The following NEDD4 variants were observed in gnomAD, a reference collection of about 807,000 sequenced individuals.
NEDD4 encodes E3 ubiquitin-protein ligase NEDD4.
In NEDD4, 99 loss-of-function variants were observed where a neutral mutation model predicts 144.9. That is an observed-to-expected ratio of 0.68 (90% CI 0.58 to 0.81). NEDD4 has a LOEUF of 0.81. Among genes scored for constraint, NEDD4 ranks in the 30% least tolerant of loss-of-function variants. The pLI, the probability that NEDD4 is intolerant of heterozygous loss-of-function variation, is 0.00. For missense variants in NEDD4, 985 were observed against 1,065.9 expected, an observed-to-expected ratio of 0.92 and a Z score of 1.06; for synonymous variants, 318 against 350.6, an observed-to-expected ratio of 0.91 and a Z score of 1.04.
chr15:55,989,010 C>A (rs1048467764), intron 1 of NEDD4, among the ~76,000 whole-genome samples: 1 of 152,086 alleles, frequency 6.6e-6, no homozygotes, highest in Non-Finnish European at 1.5e-5. Flanking sequence ...CCGAGGCAGG[C>A]GGATCATCTG....
Position 55,834,138 on chromosome 15 carries a change from A to G in NEDD4, c.2330T>C (p.Met777Thr), listed in dbSNP as rs200055696. ...IFDENELELL[M>T]CGLGDVDVND... ...CACATCAACATCTCCCAGTCCACACATAAGAAGCTACATAAGAAATGTCAA... is the reference window on the plus strand; with the variant it reads ...CACATCAACATCTCCCAGTCCACACGTAAGAAGCTACATAAGAAATGTCAA... Residue 777 changes from methionine to threonine, a missense_variant, in exon 26 of 29, where the codon ATG becomes ACG. Physicochemically the swap from Met to Thr is moderately conservative, Grantham distance 81. Coordinates refer to ENST00000435532, the MANE Select transcript of NEDD4 (RefSeq NM_006154.4). 1 of 1,613,174 alleles carries G rather than the reference A, an allele frequency of 6.2e-7. No individual in the cohort carries two copies. The highest frequency in any genetic ancestry group is 1.7e-5 in the Admixed American group (1 of 59,952).
At chr15:55,919,015 C>T (rs1483048559) in intron 5 of NEDD4, among the ~76,000 whole-genome samples, 3 of 152,096 alleles carry the variant, frequency 2.0e-5, no homozygotes, top group African/African-American at 7.2e-5. Context: ...AAGAAAAGCT[C>T]CTCTCATTAT....
chr15:55,993,442 T>A, intron 1 of NEDD4, 69 bp downstream of exon 1: 1 of 1,558,628 alleles, frequency 6.4e-7, no homozygotes, highest in South Asian at 1.1e-5. Flanking sequence ...CCGCCGCCGC[T>A]ACCTCCCCGG....
chr15:55,960,293 C>T (rs372393808), intron 2 of NEDD4, among the ~76,000 whole-genome samples: 3 of 152,316 alleles, frequency 2.0e-5, no homozygotes, highest in East Asian at 1.9e-4. Flanking sequence ...CTGGGAGAGG[C>T]AGACACACCC....
chr15:55,924,404 G>T lies in NEDD4; in HGVS notation c.291+242C>A, dbSNP rs144789161. 8.5e-5 allele frequency: 37 copies of T among 434,536 alleles called. No homozygotes were observed. The East Asian group carries it at 1.3e-3, about 16-fold the overall frequency. 26.9% of individuals were successfully genotyped at this position (434,536 alleles called of 1,614,324 possible). ...TTTCTGTCCTCTCCTGTCACAAGAG[G>T]TCTTGAGTAAGACCTTATAATATGT... is the stretch of plus-strand genomic sequence containing the variant. On this transcript the variant is annotated intron_variant, in intron 5 of 28. Coordinates refer to ENST00000435532, the MANE Select transcript of NEDD4 (RefSeq NM_006154.4).
At chr15:55,897,161 G>T (rs528904479) in intron 5 of NEDD4, among the ~76,000 whole-genome samples, 13 of 152,196 alleles carry the variant, frequency 8.5e-5, no homozygotes, top group Admixed American at 5.2e-4. Flanking sequence ...TTTTTGTAGA[G>T]ATGGGGTTTC....
chr15:55,870,849 T>C (rs957949320), intron 7 of NEDD4, among the ~76,000 whole-genome samples: 2 of 152,182 alleles, frequency 1.3e-5, no homozygotes, highest in Non-Finnish European at 2.9e-5. Flanking sequence ...CTTAATTCTA[T>C]TGTCCTCATC....
chr15:55,832,388 C>A (rs1566894780), intron 27 of NEDD4, among the ~76,000 whole-genome samples: 1 of 152,062 alleles, frequency 6.6e-6, no homozygotes, highest in Non-Finnish European at 1.5e-5. Context: ...ACTTCAAATG[C>A]TATCCTGAAC....
At chr15:55,872,926 A>G (rs1220875110) in intron 6 of NEDD4, among the ~76,000 whole-genome samples, 1 of 152,150 alleles carries the variant, frequency 6.6e-6, no homozygotes, top group Non-Finnish European at 1.5e-5. Flanking sequence ...TTAAAAAAAA[A>G]AAAAAAAGAT....
At chr15:55,931,501 A>G (rs2036780771) in intron 4 of NEDD4, among the ~76,000 whole-genome samples, 1 of 152,216 alleles carries the variant, frequency 6.6e-6, no homozygotes, top group South Asian at 2.1e-4. Context: ...TATTTTAAGG[A>G]AAGGCAAAAG....
At position 55,827,632 on chromosome 15, in the gene NEDD4, A is replaced by C. The variant is rs1222225303; in HGVS notation, c.*2265T>G. 6.6e-6 allele frequency: 1 copy of C among 152,252 alleles called. No individual in the cohort carries two copies. The highest frequency in any genetic ancestry group is 2.4e-5 in the African/African-American group (1 of 41,472). The allele number at this position is 152,252 out of a possible 1,614,324, so 9.4% of individuals were successfully genotyped here. A position where few individuals can be genotyped will look rare whatever the true frequency, so the allele number is the denominator to read the frequency against. On this transcript the variant is annotated 3_prime_UTR_variant, in exon 29 of 29. Coordinates refer to ENST00000435532, the MANE Select transcript of NEDD4 (RefSeq NM_006154.4). ...CATTCTACATAATGAGGACATTTCC[A>C]AAATGCATTGGCCCACATTACTATT...
chr15:55,914,679 C>T (rs1163420202), intron 5 of NEDD4, among the ~76,000 whole-genome samples: 1 of 151,758 alleles, frequency 6.6e-6, no homozygotes, highest in East Asian at 1.9e-4. Flanking sequence ...AATACAAATG[C>T]CATTTATTTT....
chr15:55,839,999 A>AAAAAATATATATAT (rs1566901067), intron 21 of NEDD4, among the ~76,000 whole-genome samples: 1 of 26,140 alleles, frequency 3.8e-5, no homozygotes, highest in Non-Finnish European at 6.8e-5. Flanking sequence ...AAAAAAAAAA[A>AAAAAATATATATAT]ATATATATAT....
chr15:55,890,317 C>T (rs2035527060), intron 5 of NEDD4, among the ~76,000 whole-genome samples: 1 of 152,050 alleles, frequency 6.6e-6, no homozygotes. Context: ...TTTTCATCAC[C>T]CAAAAAGAAC....
intron 8 of NEDD4, among the ~76,000 whole-genome samples, chr15:55,867,626 T>C (rs2034628841): frequency 6.6e-6 from 1 of 152,206 alleles, no homozygotes; most frequent in African/African-American, 2.4e-5. Flanking sequence ...TTCTACTGAA[T>C]GAATACTTGA....
chr15:55,871,603 T>C (rs1237409259), intron 7 of NEDD4, among the ~76,000 whole-genome samples: 1 of 152,216 alleles, frequency 6.6e-6, no homozygotes, highest in Non-Finnish European at 1.5e-5. Context: ...TGACTTCCTT[T>C]ATAGAGAGTA....
intron 1 of NEDD4, among the ~76,000 whole-genome samples, chr15:55,982,946 AC>A (rs2037827675): frequency 6.6e-6 from 1 of 151,980 alleles, no homozygotes; most frequent in African/African-American, 2.4e-5. Flanking sequence ...ACATGGTGAA[AC>A]CCCGTCTCTA....
intron 5 of NEDD4, among the ~76,000 whole-genome samples, chr15:55,880,722 C>A (rs1217235982): frequency 1.3e-5 from 2 of 151,928 alleles, no homozygotes; most frequent in Non-Finnish European, 2.9e-5. Flanking sequence ...TTATGTAACA[C>A]CTAGAGAGCA....
rs141742218 is a variant in NEDD4, at chr15:55,874,749, G to A, written c.292-741C>T. Among the ~76,000 whole-genome samples the A allele has an allele frequency of 7.9e-4, 121 of 152,246 alleles. No individual in the cohort carries two copies. The Middle Eastern group carries it at 0.014, about 17-fold the overall frequency. ...AGCACTTTGGGAGGCCGAGGTGGGC[G>A]GATCACCTGAGGTCAGGAGTTAGAG... On this transcript the variant is annotated intron_variant, in intron 5 of 28. Coordinates refer to ENST00000435532, the MANE Select transcript of NEDD4 (RefSeq NM_006154.4).
Sources: allele counts gnomAD v4.1 joint callset (sites outside exome capture counted in the v4.1 genomes callset), GRCh38; gene constraint gnomAD v4.1.1; transcripts MANE v1.5; gene names NCBI Gene and HGNC (gene_info 2026-07-23, HGNC 2026-07-21).